ADAMTS6: variants seen among roughly 807,000 people sequenced by gnomAD.
The protein encoded by ADAMTS6 is ADAM metallopeptidase with thrombospondin type 1 motif 6, also known as A disintegrin and metalloproteinase with thrombospondin motifs 6.
Under a neutral mutation model 144.3 loss-of-function variants are expected in ADAMTS6, and 23 were observed. The observed-to-expected ratio is 0.16, with a 90% confidence interval of 0.11 to 0.23. ADAMTS6 has a LOEUF of 0.23. Among genes scored for constraint, ADAMTS6 ranks in the 10% least tolerant of loss-of-function variants. The pLI is 1.00. For missense variants in ADAMTS6, 999 were observed against 1,379.6 expected (o/e 0.72, Z 4.37); for synonymous variants, 444 against 457.5 (o/e 0.97, Z 0.38).
At chr5:65,336,186 C>A (rs1747290642) in intron 7 of ADAMTS6, among the ~76,000 whole-genome samples, 1 of 151,928 alleles carries the variant, frequency 6.6e-6, no homozygotes, top group Admixed American at 6.6e-5. Context: ...AGATATAAAT[C>A]TGGAAGGATA....
At position 65,473,750 on chromosome 5, in the gene ADAMTS6, AACAATTTTAT is replaced by A; in HGVS notation, c.-87_-78del. 9.0e-7 allele frequency: 1 copy of A among 1,115,456 alleles called. No homozygotes were observed. Among genetic ancestry groups the A allele is most frequent in the Non-Finnish European group, 1.3e-6 (1 of 747,294 alleles). 69.1% of individuals were successfully genotyped at this position (1,115,456 alleles called of 1,614,324 possible). A position where few individuals can be genotyped will look rare whatever the true frequency, so the allele number is the denominator to read the frequency against. On this transcript the variant is annotated 5_prime_UTR_variant, in exon 2 of 25. Transcript: ENST00000381055. ...CAATACCATACCAAAATCGAAGCAT[AACAATTTTAT>A]TTCTTTAAAACTTCTTGCAAATTAG... is the stretch of plus-strand genomic sequence containing the variant.
chr5:65,192,171 C>T (rs1363413818), intron 21 of ADAMTS6, among the ~76,000 whole-genome samples: 1 of 151,948 alleles, frequency 6.6e-6, no homozygotes, highest in African/African-American at 2.4e-5. Context: ...TTAAATAAAA[C>T]CTAGCCACTG....
rs1437841771 is a variant in ADAMTS6, at chr5:65,324,067, T to C, written c.1223+5311A>G. On this transcript the variant is annotated intron_variant, in intron 9 of 24. Transcript: ENST00000381055. ...CAAAAATTTTCTCCCATTCTGTAGG[T>C]TGCCTGTTCACTCTGATGGTAGTTT... Among the ~76,000 whole-genome samples, 4 of 152,300 alleles carry C rather than the reference T, an allele frequency of 2.6e-5. No homozygotes were observed. In the East Asian group the frequency reaches 5.8e-4, roughly 22 times the overall value.
intron 7 of ADAMTS6, among the ~76,000 whole-genome samples, chr5:65,426,921 C>T (rs1278192588): frequency 1.3e-5 from 2 of 152,028 alleles, no homozygotes; most frequent in Non-Finnish European, 2.9e-5. Context: ...AACAGCTCTA[C>T]ACAAGATTAC....
chr5:65,256,985 CTTTTTTTTTTTT>C (rs545846781), intron 14 of ADAMTS6, among the ~76,000 whole-genome samples: 2 of 88,678 alleles, frequency 2.3e-5, no homozygotes, highest in East Asian at 6.5e-4. Flanking sequence ...CTCTCTCTCT[CTTTTTTTTTTTT>C]TTTTTTTTTT....
intron 24 of ADAMTS6, among the ~76,000 whole-genome samples, chr5:65,159,053 A>T (rs1463346370): frequency 6.6e-6 from 1 of 152,170 alleles, no homozygotes; most frequent in Non-Finnish European, 1.5e-5. Flanking sequence ...AGTTACCTAA[A>T]TCTGAAATGT....
chr5:65,447,128 G>T (rs976770805), intron 7 of ADAMTS6, among the ~76,000 whole-genome samples: 1 of 152,106 alleles, frequency 6.6e-6, no homozygotes, highest in African/African-American at 2.4e-5. Flanking sequence ...CGTGCTAATT[G>T]CTAAACATTG....
At chr5:65,192,143 T>C (rs749529057) in intron 21 of ADAMTS6, among the ~76,000 whole-genome samples, 17 of 152,106 alleles carry the variant, frequency 1.1e-4, no homozygotes, top group Non-Finnish European at 1.3e-4. Flanking sequence ...TTAAACATTA[T>C]ACCTTAAAAT....
At chr5:65,434,330 C>T (rs1241739020) in intron 7 of ADAMTS6, among the ~76,000 whole-genome samples, 2 of 151,910 alleles carry the variant, frequency 1.3e-5, no homozygotes, top group African/African-American at 2.4e-5. Flanking sequence ...GTGATGGTTG[C>T]GCAAGTCTAT....
At chr5:65,177,401 G>A (rs1013724213) in intron 22 of ADAMTS6, among the ~76,000 whole-genome samples, 16 of 152,066 alleles carry the variant, frequency 1.1e-4, no homozygotes, top group Admixed American at 3.3e-4. Context: ...TACCCTGTGG[G>A]GACCTGCCAA....
intron 11 of ADAMTS6, among the ~76,000 whole-genome samples, chr5:65,283,033 A>G (rs1763107601): frequency 6.6e-6 from 1 of 152,098 alleles, no homozygotes; most frequent in Admixed American, 6.6e-5. Context: ...CCTTGATTCT[A>G]AATATGAAAC....
intron 18 of ADAMTS6, among the ~76,000 whole-genome samples, chr5:65,216,895 T>C (rs1756967075): frequency 6.6e-6 from 1 of 152,130 alleles, no homozygotes; most frequent in South Asian, 2.1e-4. Flanking sequence ...CAAATAAACA[T>C]GTCAGCTTAA....
intron 14 of ADAMTS6, among the ~76,000 whole-genome samples, chr5:65,252,386 C>T (rs986462720): frequency 4.6e-5 from 7 of 151,436 alleles, no homozygotes; most frequent in Admixed American, 1.3e-4. Context: ...GGATCACAGG[C>T]GCCCGCAACC....
intron 7 of ADAMTS6, among the ~76,000 whole-genome samples, chr5:65,444,874 T>A (rs531298382): frequency 1.3e-5 from 2 of 152,320 alleles, no homozygotes; most frequent in African/African-American, 4.8e-5. Context: ...TGTGTGACCT[T>A]GCCAATCAAT....
intron 7 of ADAMTS6, among the ~76,000 whole-genome samples, chr5:65,438,583 A>G (rs1168949106): frequency 6.6e-6 from 1 of 152,144 alleles, no homozygotes; most frequent in African/African-American, 2.4e-5. Flanking sequence ...GTACCTATAT[A>G]TTTTAACAGG....
Position 65,400,897 on chromosome 5 carries a change from C to A in ADAMTS6, c.1073+50578G>T, listed in dbSNP as rs150002641. Among the ~76,000 whole-genome samples, 52 of 152,282 alleles carry A rather than the reference C, an allele frequency of 3.4e-4. 2 individuals are homozygous for A. The East Asian group carries it at 9.7e-3, about 28-fold the overall frequency. On this transcript the variant is annotated intron_variant, in intron 7 of 24. Transcript: ENST00000381055. ...TTTTTGATCTCTAGCACTTTCTTTT[C>A]GGCTCTTTCTTAGAATTTCCATCTT...
intron 7 of ADAMTS6, among the ~76,000 whole-genome samples, chr5:65,378,710 T>C (rs1446920151): frequency 6.6e-6 from 1 of 152,170 alleles, no homozygotes; most frequent in Non-Finnish European, 1.5e-5. Context: ...TCTTTCTCTG[T>C]TTACTACAGC....
At chr5:65,439,018 G>A (rs1757665903) in intron 7 of ADAMTS6, among the ~76,000 whole-genome samples, 1 of 152,114 alleles carries the variant, frequency 6.6e-6, no homozygotes, top group Non-Finnish European at 1.5e-5. Flanking sequence ...TAAAGCAGAA[G>A]ATGGCAGTCT....
At chr5:65,190,572 T>C (rs996286595) in intron 21 of ADAMTS6, among the ~76,000 whole-genome samples, 1 of 152,144 alleles carries the variant, frequency 6.6e-6, no homozygotes, top group African/African-American at 2.4e-5. Flanking sequence ...GATGGAGGCC[T>C]TCAAATTAAA....
Sources: gnomAD v4.1 joint callset for allele counts (sites outside exome capture counted in the v4.1 genomes callset) on GRCh38, gnomAD v4.1.1 for gene constraint, MANE v1.5 for transcripts, NCBI Gene and HGNC (gene_info 2026-07-23, HGNC 2026-07-21) for gene names.